The following ANTXR1 variants were observed in gnomAD, a reference collection of about 807,000 sequenced individuals.
The protein encoded by ANTXR1 is ANTXR cell adhesion molecule 1, also known as anthrax toxin receptor 1.
In ANTXR1, 19 loss-of-function variants were observed where a neutral mutation model predicts 78.1. The ratio of observed to expected loss-of-function variants is 0.24; its 90% CI spans 0.17 to 0.36. The LOEUF (loss-of-function observed/expected upper bound fraction) is 0.36. Ranked by LOEUF, ANTXR1 falls within the 10% of genes least tolerant of loss-of-function variation. The pLI is 1.00. For missense variants in ANTXR1, 518 were observed against 718.6 expected (o/e 0.72, Z 3.19); for synonymous variants, 273 against 260.5 (o/e 1.05, Z -0.46).
rs150617658 is a variant in ANTXR1 at position 69,021,985 on chromosome 2, G to T, written c.152+8334G>T. Among the ~76,000 whole-genome samples, 292 of 152,334 alleles carry T rather than the reference G, an allele frequency of 1.9e-3. 1 individual carries two copies. The highest frequency in any genetic ancestry group is 6.8e-3 in the African/African-American group (281 of 41,572). Reference sequence around the variant, plus strand: ...CTGCATACTTTAGATGAAATATTCAGTGAGGTGGGCGGGGGATTAAATTAG... The same window carrying T: ...CTGCATACTTTAGATGAAATATTCATTGAGGTGGGCGGGGGATTAAATTAG... On this transcript the variant is annotated intron_variant, in intron 1 of 17. Transcript: ENST00000303714.
intron 12 of ANTXR1, among the ~76,000 whole-genome samples, chr2:69,149,166 C>A (rs1450186496): frequency 6.6e-6 from 1 of 152,168 alleles, no homozygotes; most frequent in African/African-American, 2.4e-5. Flanking sequence ...TAAAGTTCCT[C>A]AAGAAGTGTC....
At chr2:69,089,963 G>C (rs1314216391) in intron 8 of ANTXR1, among the ~76,000 whole-genome samples, 1 of 152,160 alleles carries the variant, frequency 6.6e-6, no homozygotes, top group African/African-American at 2.4e-5. Context: ...TGCTACCAGT[G>C]AGAAACCCCA....
At chr2:69,112,360 A>C (rs1672018136) in intron 10 of ANTXR1, among the ~76,000 whole-genome samples, 1 of 152,192 alleles carries the variant, frequency 6.6e-6, no homozygotes, top group Non-Finnish European at 1.5e-5. Flanking sequence ...GAACCTGGGC[A>C]GTCGGACTCC....
rs77892879 is a variant in ANTXR1, at chr2:69,053,636, G to T, written c.296+8823G>T. On this transcript the variant is annotated intron_variant, in intron 3 of 17. Transcript: ENST00000303714. ...GAAAAAGAAGCAAAAGTTAAAATAT[G>T]CAGACCAAGATCATTATCTTTGACT... is the stretch of plus-strand genomic sequence containing the variant. 3.3e-4 allele frequency among the ~76,000 whole-genome samples: 50 copies of T among 152,256 alleles called. No individual in the cohort carries two copies. In the East Asian group the frequency reaches 9.3e-3, roughly 28 times the overall value.
intron 1 of ANTXR1, among the ~76,000 whole-genome samples, chr2:69,020,127 C>T (rs1383777265): frequency 6.6e-6 from 1 of 152,088 alleles, no homozygotes; most frequent in East Asian, 1.9e-4. Context: ...AATGGTATTT[C>T]TGTCTTTAGG....
At chr2:69,226,638 C>T (rs1190864611) in intron 17 of ANTXR1, among the ~76,000 whole-genome samples, 1 of 152,136 alleles carries the variant, frequency 6.6e-6, no homozygotes, top group African/African-American at 2.4e-5. Context: ...AGGGTTTGTG[C>T]AACTAGGAGG....
intron 4 of ANTXR1, 50 bp downstream of exon 4, chr2:69,070,778 A>C (rs1347998762): frequency 6.4e-7 from 1 of 1,552,954 alleles, no homozygotes; most frequent in African/African-American, 1.4e-5. Flanking sequence ...ATATTGAAAT[A>C]TCAACATGGG....
chr2:69,048,459 T>C (rs774266734), intron 3 of ANTXR1, among the ~76,000 whole-genome samples: 5 of 152,194 alleles, frequency 3.3e-5, no homozygotes, highest in African/African-American at 1.2e-4. Flanking sequence ...GCCATTGTCC[T>C]TTTTATTACT....
At chr2:69,174,634 A>G (rs59281647) in intron 14 of ANTXR1, among the ~76,000 whole-genome samples, 33,317 of 151,692 alleles carry the variant, frequency 0.22, 5,330 homozygotes, top group East Asian at 0.46. Flanking sequence ...CAAAAAAAAA[A>G]AGAGAGAGAG....
At chr2:69,014,147 T>C (rs1451866285) in intron 1 of ANTXR1, among the ~76,000 whole-genome samples, 8 of 152,228 alleles carry the variant, frequency 5.3e-5, no homozygotes, top group Non-Finnish European at 1.0e-4. Flanking sequence ...CTCCTAATCA[T>C]GTAATGCATA....
At chr2:69,214,202 G>C (rs913896065) in intron 17 of ANTXR1, among the ~76,000 whole-genome samples, 2 of 152,246 alleles carry the variant, frequency 1.3e-5, no homozygotes, top group Non-Finnish European at 2.9e-5. Context: ...GGAATCCCCA[G>C]GTTAAGGAAA....
At chr2:69,098,949 G>A (rs1437458665) in intron 9 of ANTXR1, among the ~76,000 whole-genome samples, 1 of 152,096 alleles carries the variant, frequency 6.6e-6, no homozygotes, top group Non-Finnish European at 1.5e-5. Flanking sequence ...TCACGTCACT[G>A]CACTCCAGCC....
At chr2:69,081,151 T>C (rs1670887598) in intron 8 of ANTXR1, among the ~76,000 whole-genome samples, 1 of 152,206 alleles carries the variant, frequency 6.6e-6, no homozygotes, top group Non-Finnish European at 1.5e-5. Context: ...TTATCCCCAT[T>C]TTATAGATGA....
At chr2:69,155,375 T>G (rs370881532) in intron 13 of ANTXR1, among the ~76,000 whole-genome samples, 2 of 152,140 alleles carry the variant, frequency 1.3e-5, no homozygotes, top group East Asian at 3.8e-4. Context: ...CTATGCACAC[T>G]GGGCTTATTC....
chr2:69,141,490 G>T (rs1673067161), intron 12 of ANTXR1, among the ~76,000 whole-genome samples: 1 of 151,990 alleles, frequency 6.6e-6, no homozygotes. Context: ...TGAGTCCAGT[G>T]TGCGCAAGTC....
At chr2:69,041,128 T>C (rs895211267) in intron 2 of ANTXR1, among the ~76,000 whole-genome samples, 3 of 152,026 alleles carry the variant, frequency 2.0e-5, no homozygotes, top group African/African-American at 7.2e-5. Flanking sequence ...GAAAAACAGA[T>C]GCTGAGAGGA....
rs143638075 is a variant in ANTXR1 at position 69,070,744 on chromosome 2, T to C, written c.378+16T>C. Reference sequence around the variant, plus strand: ...ATTTGAAAGGGTAATTTTAAAACAGTTTGAAATCCAAATATAAAGCATGAT... The same window carrying C: ...ATTTGAAAGGGTAATTTTAAAACAGCTTGAAATCCAAATATAAAGCATGAT... On this transcript the variant is annotated intron_variant, in intron 4 of 17. Coordinates refer to ENST00000303714, the MANE Select transcript of ANTXR1 (RefSeq NM_032208.3). 1.2e-4 allele frequency: 193 copies of C among 1,609,614 alleles called. No individual in the cohort carries two copies. The highest frequency in any genetic ancestry group is 1.5e-4 in the Non-Finnish European group (177 of 1,176,024).
chr2:69,153,745 C>T lies in ANTXR1; in HGVS notation c.1047+1481C>T, dbSNP rs1437241286. Among the ~76,000 whole-genome samples, 4 of 152,266 alleles carry T rather than the reference C, an allele frequency of 2.6e-5. No homozygotes were observed. The South Asian group carries it at 6.2e-4, about 24-fold the overall frequency. On this transcript the variant is annotated intron_variant, in intron 13 of 17. Transcript: ENST00000303714. Reference sequence around the variant, plus strand: ...CAGTGGGTTCTTAAAGAAGAGTCGGCAGGCCTGGTAGCAGCAGGCAGTGAA... The same window carrying T: ...CAGTGGGTTCTTAAAGAAGAGTCGGTAGGCCTGGTAGCAGCAGGCAGTGAA...
intron 12 of ANTXR1, among the ~76,000 whole-genome samples, chr2:69,138,437 G>A (rs1672977918): frequency 6.6e-6 from 1 of 152,168 alleles, no homozygotes; most frequent in Non-Finnish European, 1.5e-5. Context: ...AATCAGGATA[G>A]TATTTGGGAC....
Sources: gnomAD v4.1 joint callset for allele counts (sites outside exome capture counted in the v4.1 genomes callset) on GRCh38, gnomAD v4.1.1 for gene constraint, MANE v1.5 for transcripts, NCBI Gene and HGNC (gene_info 2026-07-23, HGNC 2026-07-21) for gene names.